CNTN4: variants seen among roughly 807,000 people sequenced by gnomAD.
CNTN4 encodes the protein contactin 4.
A neutral mutation model predicts 122.5 loss-of-function variants in CNTN4; 77 were observed. The observed-to-expected ratio is 0.63, with a 90% CI of 0.52 to 0.76. The LOEUF (loss-of-function observed/expected upper bound fraction) is 0.76. Ranked by LOEUF, CNTN4 falls within the 30% of genes least tolerant of loss-of-function variation. The pLI is 0.00. For synonymous variants in CNTN4, 512 were observed against 447.0 expected (o/e 1.15, Z -1.83); for missense variants, 1,256 against 1,259.1 (o/e 1.00, Z 0.04).
chr3:2,793,069 A>G (rs1229480942), intron 6 of CNTN4, among the ~76,000 whole-genome samples: 2 of 152,198 alleles, frequency 1.3e-5, no homozygotes, highest in African/African-American at 4.8e-5. Flanking sequence ...AATTATTTCC[A>G]CATGATAGGC....
At chr3:2,420,233 T>G (rs2047564561) in intron 3 of CNTN4, among the ~76,000 whole-genome samples, 1 of 152,168 alleles carries the variant, frequency 6.6e-6, no homozygotes, top group African/African-American at 2.4e-5. Flanking sequence ...GAAATTGCAC[T>G]GCTTATATGC....
chr3:2,742,232 G>T (rs2089497131), intron 5 of CNTN4, among the ~76,000 whole-genome samples: 1 of 152,096 alleles, frequency 6.6e-6, no homozygotes, highest in African/African-American at 2.4e-5. Flanking sequence ...TCTCTTCTTT[G>T]TGTTTATTCC....
intron 10 of CNTN4, among the ~76,000 whole-genome samples, chr3:2,900,327 AAATATACCAGCCTGG>A (rs755104920): frequency 5.3e-5 from 8 of 151,936 alleles, no homozygotes; most frequent in Non-Finnish European, 1.2e-4. Flanking sequence ...GCCTACCTGG[AAATATACCAGCCTGG>A]TTAAAAGTGG....
intron 2 of CNTN4, among the ~76,000 whole-genome samples, chr3:2,296,642 T>G (rs185481268): frequency 9.9e-4 from 151 of 152,102 alleles, no homozygotes; most frequent in Non-Finnish European, 1.7e-3. Context: ...CATGACAAAG[T>G]TTAGGCAAAT....
chr3:2,433,702 A>G (rs1278606329), intron 3 of CNTN4, among the ~76,000 whole-genome samples: 2 of 152,114 alleles, frequency 1.3e-5, no homozygotes, highest in Non-Finnish European at 2.9e-5. Flanking sequence ...GCCCAGACCA[A>G]TGTTGCGGAG....
At chr3:2,145,385 T>G (rs1348740929) in intron 2 of CNTN4, among the ~76,000 whole-genome samples, 1 of 152,230 alleles carries the variant, frequency 6.6e-6, no homozygotes, top group African/African-American at 2.4e-5. Context: ...CTTGTCACAT[T>G]GCATCTCTCT....
intron 13 of CNTN4, among the ~76,000 whole-genome samples, chr3:2,974,615 G>A (rs1470108926): frequency 1.3e-5 from 2 of 152,196 alleles, no homozygotes; most frequent in Admixed American, 6.5e-5. Flanking sequence ...GGCCGAAATG[G>A]AGAGACGTCA....
intron 2 of CNTN4, among the ~76,000 whole-genome samples, chr3:2,226,717 A>G (rs982089279): frequency 6.6e-6 from 1 of 152,070 alleles, no homozygotes; most frequent in Non-Finnish European, 1.5e-5. Context: ...TTTCTTTCTC[A>G]CTGAGATTTA....
At chr3:2,925,174 C>T (rs1033279232) in intron 12 of CNTN4, among the ~76,000 whole-genome samples, 1 of 152,142 alleles carries the variant, frequency 6.6e-6, no homozygotes, top group African/African-American at 2.4e-5. Context: ...TCAAAGTTTA[C>T]TAAATCCATC....
intron 2 of CNTN4, among the ~76,000 whole-genome samples, chr3:2,332,589 A>G (rs1326375045): frequency 1.3e-5 from 2 of 151,950 alleles, no homozygotes; most frequent in Non-Finnish European, 2.9e-5. Flanking sequence ...CCTCAAGTAA[A>G]GCTCTTACAT....
chr3:2,781,555 G>A (rs1282090131), intron 6 of CNTN4, among the ~76,000 whole-genome samples: 1 of 151,942 alleles, frequency 6.6e-6, no homozygotes, highest in Non-Finnish European at 1.5e-5. Flanking sequence ...CAGCCCTCAG[G>A]AGGTCCTGAG....
rs148751178 is a variant in CNTN4 at position 2,478,197 on chromosome 3, A to G, written c.-88-93219A>G. ...GCATTCTACAAAGTCAGAAAAGTAC[A>G]TTTTTGATGTTTTCTTATTTCAGAG... On this transcript the variant is annotated intron_variant, in intron 3 of 24. Coordinates refer to ENST00000418658, the MANE Select transcript of CNTN4 (RefSeq NM_175607.3). Among the ~76,000 whole-genome samples the G allele has an allele frequency of 3.4e-3, 513 of 152,212 alleles. 14 individuals are homozygous for G. Among genetic ancestry groups the G allele is most frequent in the Admixed American group, 0.03 (454 of 15,284 alleles).
intron 2 of CNTN4, among the ~76,000 whole-genome samples, chr3:2,185,858 G>T (rs2037228174): frequency 6.6e-6 from 1 of 151,928 alleles, no homozygotes. Context: ...AGGCATGTGG[G>T]ACTCCATAGC....
At chr3:2,379,252 C>T (rs1202871631) in intron 3 of CNTN4, among the ~76,000 whole-genome samples, 1 of 151,760 alleles carries the variant, frequency 6.6e-6, no homozygotes, top group Non-Finnish European at 1.5e-5. Flanking sequence ...TTCCTGCCTA[C>T]CTTTTTCCGT....
At chr3:2,907,570 C>CAAAAA (rs34860687) in intron 12 of CNTN4, among the ~76,000 whole-genome samples, 31 of 133,768 alleles carry the variant, frequency 2.3e-4, no homozygotes, top group African/African-American at 8.4e-4. Context: ...GAGACTGTCT[C>CAAAAA]AAAAAAAAAA....
chr3:3,033,545 G>C (rs1259955087), intron 16 of CNTN4, among the ~76,000 whole-genome samples: 1 of 152,156 alleles, frequency 6.6e-6, no homozygotes, highest in African/African-American at 2.4e-5. Context: ...TGGCCTGATA[G>C]TATTTGGGTA....
At chr3:2,198,780 C>T (rs1048182241) in intron 2 of CNTN4, among the ~76,000 whole-genome samples, 1 of 152,120 alleles carries the variant, frequency 6.6e-6, no homozygotes, top group East Asian at 1.9e-4. Flanking sequence ...TATTTGAAAA[C>T]CAGCTCTTAT....
At chr3:2,496,352 A>C (rs925377061) in intron 3 of CNTN4, among the ~76,000 whole-genome samples, 1 of 152,126 alleles carries the variant, frequency 6.6e-6, no homozygotes, top group Non-Finnish European at 1.5e-5. Flanking sequence ...TTGTTTTAGG[A>C]TTTTAGGGAG....
Position 3,037,189 on chromosome 3 carries a change from C to T in CNTN4, c.1953C>T (p.Leu651=). 4.3e-6 allele frequency: 7 copies of T among 1,614,186 alleles called. No individual in the cohort carries two copies. The highest frequency in any genetic ancestry group is 1.3e-5 in the African/African-American group (1 of 75,054). Residue 651 remains leucine, a synonymous_variant, in exon 18 of 25, where the codon CTC becomes CTT. Transcript: ENST00000418658. ...TTTGTTGTCTTTCAGTCCCAGAACT[C>T]ATTGATGGGAAGACATTCACAGCGA... is the stretch of plus-strand genomic sequence containing the variant. The part of the protein sequence containing the change: ...GWQAVSTVPE[L]IDGKTFTATV...
Sources: allele counts gnomAD v4.1 joint callset (sites outside exome capture counted in the v4.1 genomes callset), GRCh38; gene constraint gnomAD v4.1.1; transcripts MANE v1.5; gene names NCBI Gene and HGNC (gene_info 2026-07-23, HGNC 2026-07-21).